PLA2R1: variants seen among roughly 807,000 people sequenced by gnomAD.
The protein encoded by PLA2R1 is secretory phospholipase A2 receptor.
Under a neutral mutation model 195.9 loss-of-function variants are expected in PLA2R1, and 158 were observed. That is an observed-to-expected ratio of 0.81 (90% CI 0.71 to 0.92). The LOEUF (loss-of-function observed/expected upper bound fraction) is 0.92, where lower values mean the gene tolerates loss of function less well. Among genes scored for constraint, PLA2R1 ranks in the 40% least tolerant of loss-of-function variants. PLA2R1 has a pLI of 0.00. For missense variants in PLA2R1, 1,626 were observed against 1,764.6 expected (o/e 0.92, Z 1.41); for synonymous variants, 586 against 598.2 (o/e 0.98, Z 0.30).
chr2:160,005,588 G>A, intron 11 of PLA2R1, 64 bp downstream of exon 11: 3 of 1,397,928 alleles, frequency 2.1e-6, no homozygotes, highest in South Asian at 2.5e-5. Flanking sequence ...GGTGGGCCAA[G>A]GGGTGGAAGG....
intron 19 of PLA2R1, 71 bp from the exon 20 acceptor site, chr2:159,967,749 A>G: frequency 1.5e-6 from 2 of 1,304,752 alleles, no homozygotes; most frequent in South Asian, 1.5e-5. Context: ...TCTATTGATC[A>G]CTATTTTTAT....
In PLA2R1 at chr2:159,969,355, TC is replaced by T; in HGVS notation, c.2664del (p.Trp888Ter). The T allele has an allele frequency of 6.4e-7, 1 of 1,567,714 alleles. No individual in the cohort carries two copies. Among genetic ancestry groups the T allele is most frequent in the Non-Finnish European group, 8.8e-7 (1 of 1,138,526 alleles). ...TGGTATATCACTGGTGTTCCATCTC[TC>T]CAGCTGTGGGAAGATTAAAAATGTT... ...QEERANDEFR[W>X]RDGTPVIYQN... On this transcript the variant is annotated frameshift_variant, in exon 19 of 30. Transcript: ENST00000283243. LOFTEE classifies it high-confidence loss of function.
rs769855993 is a variant in PLA2R1, at chr2:160,022,718, A to G, written c.1241T>C (p.Ile414Thr). 1.3e-5 allele frequency: 21 copies of G among 1,613,672 alleles called. No individual in the cohort carries two copies. The highest frequency in any genetic ancestry group is 1.7e-5 in the Non-Finnish European group (20 of 1,179,722). ...CACCTCTGCTAATGAGGTTATGTCT[A>G]TTAATGCACTGTTATCAGCCTGACA... ...RSCQADNSAL[I>T]DITSLAEVEF... is the part of the protein sequence containing the mutation. The change falls in exon 7 of 30, where the codon ATA becomes ACA. Residue 414 changes from isoleucine to threonine, a missense_variant. By Grantham distance (89) the Ile-to-Thr change is moderately conservative. Transcript: ENST00000283243.
chr2:160,013,272 A>T lies in PLA2R1; in HGVS notation c.1655T>A (p.Ile552Asn), dbSNP rs1216982281. The change falls in exon 10 of 30, where the codon ATT becomes AAT. Residue 552 changes from isoleucine (I) to asparagine (N), a missense_variant. Ile to Asn is a moderately radical substitution (Grantham distance 149). Transcript: ENST00000283243. The stretch of plus-strand genomic sequence containing the variant: ...AAAAAGTTTAATTTACCTGTTTGTA[A>T]TGGTTACAAGTGCAGGAGGACAGTA... ...GYYCPPALVTITNRFEQAFIT... is the reference protein window; with the variant it reads ...GYYCPPALVTNTNRFEQAFIT... The T allele has an allele frequency of 6.4e-7, 1 of 1,573,314 alleles. No homozygotes were observed. The highest frequency in any genetic ancestry group is 8.7e-7 in the Non-Finnish European group (1 of 1,143,932).
rs184696925 is a variant in PLA2R1 at position 159,975,734 on chromosome 2, T to A, written c.2595+334A>T. 3.9e-3 allele frequency among the ~76,000 whole-genome samples: 594 copies of A among 152,246 alleles called. 2 individuals are homozygous for A. Among genetic ancestry groups the A allele is most frequent in the African/African-American group, 0.013 (560 of 41,558 alleles). Reference sequence around the variant, plus strand: ...TGAAGATAGGAATTTGGGTCTTTTTTAATCACTGGTAAAACCCCAGTTCTA... The same window carrying A: ...TGAAGATAGGAATTTGGGTCTTTTTAAATCACTGGTAAAACCCCAGTTCTA... On this transcript the variant is annotated intron_variant, in intron 17 of 29. Transcript: ENST00000283243.
rs1686722344 is a variant in PLA2R1, at chr2:159,934,515, A to G, written c.*7263T>C. On this transcript the variant is annotated 3_prime_UTR_variant, in exon 30 of 30. Transcript: ENST00000283243. Reference sequence around the variant, plus strand: ...GGCTAGCATACAAAATTGTTAAAAGAATCATGAAAGAAGGCATATTGCTTC... The same window carrying G: ...GGCTAGCATACAAAATTGTTAAAAGGATCATGAAAGAAGGCATATTGCTTC... 6.6e-6 allele frequency: 1 copy of G among 152,050 alleles called. No individual in the cohort carries two copies. Among genetic ancestry groups the G allele is most frequent in the African/African-American group, 2.4e-5 (1 of 41,446 alleles). The allele number at this position is 152,050 out of a possible 1,614,324, so 9.4% of individuals were successfully genotyped here.
In PLA2R1 at chr2:159,942,173, C is replaced by T; in HGVS notation, c.4145-14G>A. On this transcript the variant is annotated splice_polypyrimidine_tract_variant and intron_variant, in intron 28 of 29. Transcript: ENST00000283243. ...CAGTGTGAATATCTAAAATCAAATA[C>T]AAAAATTAAAATGAGGTTTTTCTTT... 1.2e-6 allele frequency: 2 copies of T among 1,602,776 alleles called. No individual in the cohort carries two copies. The highest frequency in any genetic ancestry group is 1.7e-6 in the Non-Finnish European group (2 of 1,171,806).
At chr2:160,025,588 CAAA>C (rs56365741) in intron 6 of PLA2R1, among the ~76,000 whole-genome samples, 1 of 52,866 alleles carries the variant, frequency 1.9e-5, no homozygotes, top group Non-Finnish European at 3.2e-5. Context: ...AACCATAAAG[CAAA>C]AAAAAAAAAA....
At chr2:160,017,601 T>C (rs936169937) in intron 8 of PLA2R1, among the ~76,000 whole-genome samples, 1 of 152,196 alleles carries the variant, frequency 6.6e-6, no homozygotes, top group Non-Finnish European at 1.5e-5. Context: ...CTCCTCTTTA[T>C]ATGCTAGGCA....
At chr2:160,034,989 T>A (rs1289871368) in intron 3 of PLA2R1, among the ~76,000 whole-genome samples, 1 of 152,228 alleles carries the variant, frequency 6.6e-6, no homozygotes, top group East Asian at 1.9e-4. Flanking sequence ...CACAAAATTA[T>A]TTTAAATATT....
intron 6 of PLA2R1, among the ~76,000 whole-genome samples, chr2:160,024,665 G>C (rs1206867522): frequency 6.6e-6 from 1 of 152,204 alleles, no homozygotes; most frequent in East Asian, 1.9e-4. Flanking sequence ...GAGCTGAGCA[G>C]AGCAGCTGTG....
chr2:159,994,015 GAA>G (rs1359851434), intron 11 of PLA2R1, among the ~76,000 whole-genome samples: 1 of 151,664 alleles, frequency 6.6e-6, no homozygotes, highest in Non-Finnish European at 1.5e-5. Context: ...TATAAGTGAA[GAA>G]ACCCCTAATG....
At chr2:159,948,312 G>A (rs961153373) in intron 25 of PLA2R1, among the ~76,000 whole-genome samples, 1 of 152,162 alleles carries the variant, frequency 6.6e-6, no homozygotes, top group Non-Finnish European at 1.5e-5. Context: ...ACAGCTCACT[G>A]CAGCCTCAAA....
At position 160,042,192 on chromosome 2, in the gene PLA2R1, T is replaced by C. The variant is rs201933052; in HGVS notation, c.500A>G (p.His167Arg). The change falls in exon 3 of 30, where the codon CAT becomes CGT. Residue 167 changes from histidine (H) to arginine (R), a missense_variant. By Grantham distance (29) the His-to-Arg change is conservative. Transcript: ENST00000283243. ...DICEYLHKDL[H>R]TIKGNTHGMP... ...CCCGTGGGTGTTCCCTTTGATTGTA[T>C]GCAAATCTAGGAGAAAGAAATGTAC... The C allele has an allele frequency of 2.5e-6, 4 of 1,612,532 alleles. No individual in the cohort carries two copies. Among genetic ancestry groups the C allele is most frequent in the Admixed American group, 1.7e-5 (1 of 59,946 alleles).
intron 20 of PLA2R1, among the ~76,000 whole-genome samples, chr2:159,958,991 C>A (rs971215131): frequency 6.6e-6 from 1 of 152,196 alleles, no homozygotes; most frequent in Non-Finnish European, 1.5e-5. Context: ...AAACACTGAA[C>A]TAGCTTGAGG....
chr2:159,963,546 A>G (rs1688587490), intron 20 of PLA2R1, among the ~76,000 whole-genome samples: 1 of 152,192 alleles, frequency 6.6e-6, no homozygotes, highest in Non-Finnish European at 1.5e-5. Flanking sequence ...CAACAATAAA[A>G]AGGCAAATGA....
In PLA2R1 at chr2:159,987,189, C is replaced by G. The variant is rs186975839; in HGVS notation, c.2004G>C (p.Trp668Cys). ...AACTGGCCAGACCAGGCTCTGACTC[C>G]CAGTCCAAATAGCAGGGGTGAAAGG... ...RWPFHPCYLD[W>C]ESEPGLASCF... The change falls in exon 12 of 30, where the codon TGG becomes TGC. Residue 668 changes from tryptophan (W) to cysteine (C), a missense_variant. Coordinates refer to ENST00000283243, the MANE Select transcript of PLA2R1 (RefSeq NM_007366.5). The G allele has an allele frequency of 6.2e-6, 10 of 1,614,022 alleles. No homozygotes were observed. The African/African-American group carries it at 1.1e-4, about 17-fold the overall frequency.
downstream of PLA2R1, among the ~76,000 whole-genome samples, chr2:159,929,772 G>A (rs1686546164): frequency 6.6e-6 from 1 of 151,908 alleles, no homozygotes; most frequent in Admixed American, 6.6e-5. Flanking sequence ...CAATCAATGA[G>A]TGGATAAAGA....
At position 159,977,268 on chromosome 2, in the gene PLA2R1, T is replaced by G. The variant is rs767263994; in HGVS notation, c.2401+16A>C. The G allele has an allele frequency of 1.0e-5, 16 of 1,592,674 alleles. No individual in the cohort carries two copies. In the Admixed American group the frequency reaches 2.7e-4, roughly 27 times the overall value. On this transcript the variant is annotated intron_variant, in intron 15 of 29. Coordinates refer to ENST00000283243, the MANE Select transcript of PLA2R1 (RefSeq NM_007366.5). ...AGAAATCAAACATATAGCAAAGATC[T>G]TACTACTATTTTTACCTCTTGGGAT... is the stretch of plus-strand genomic sequence containing the variant.
Sources: gnomAD v4.1 joint callset for allele counts (sites outside exome capture counted in the v4.1 genomes callset) on GRCh38, gnomAD v4.1.1 for gene constraint, MANE v1.5 for transcripts, NCBI Gene and HGNC (gene_info 2026-07-23, HGNC 2026-07-21) for gene names.